Variants in MAGEC2 observed in about 807,000 individuals in gnomAD.
MAGEC2 encodes the protein melanoma-associated antigen C2.
For missense variants in MAGEC2, 332 were observed against 282.3 expected (o/e 1.18, Z -1.26); for synonymous variants, 127 against 115.1 (o/e 1.10, Z -0.66).
chrX:142,203,395 A>T lies in MAGEC2; in HGVS notation c.593T>A (p.Ile198Lys), dbSNP rs767551528. 8.3e-7 allele frequency: 1 copy of T among 1,211,703 alleles called. No homozygotes were observed. The highest frequency in any genetic ancestry group is 2.2e-5 in the Admixed American group (1 of 46,089). Residue 198 changes from isoleucine (I) to lysine (K), a missense_variant, in exon 3 of 3, where the codon ATA (isoleucine) becomes AAA (lysine). Physicochemically the swap from Ile to Lys is moderately radical, Grantham distance 102. Transcript: ENST00000247452. ...ACAGAAGTGGTCAGGGCCCACTTCT[A>T]TCAGGGCAAGGCCAAAAAGAAGCTC... Reference protein sequence around the residue: ...FMELLFGLALIEVGPDHFCVF... With the variant: ...FMELLFGLALKEVGPDHFCVF...
In MAGEC2 at chrX:142,203,633, G is replaced by C. The variant is rs147642392; in HGVS notation, c.355C>G (p.Gln119Glu). Residue 119 changes from glutamine (Q) to glutamate (E), a missense_variant, in exon 3 of 3, where the codon CAG becomes GAG. Transcript: ENST00000247452. ...WSSFSEESSS[Q>E]KGEDTGTCQG... Reference sequence around the variant, plus strand: ...CAGGTGCCTGTATCCTCCCCTTTCTGGCTGCTGGACTCCTCACTGAATGAG... The same window carrying C: ...CAGGTGCCTGTATCCTCCCCTTTCTCGCTGCTGGACTCCTCACTGAATGAG... 123 of 1,207,834 alleles carry C rather than the reference G, an allele frequency of 1.0e-4. No individual in the cohort carries two copies. Among genetic ancestry groups the C allele is most frequent in the Admixed American group, 4.6e-4 (21 of 45,553 alleles).
chrX:142,204,287 T>C, intron 2 of MAGEC2, 75 bp downstream of exon 2: 1 of 443,346 alleles, frequency 2.3e-6, no homozygotes, highest in Admixed American at 4.1e-5. Context: ...AATAGGTGGG[T>C]AGGGCCGGGT....
At position 142,203,680 on chromosome X, in the gene MAGEC2, C is replaced by A. The variant is rs759833282; in HGVS notation, c.308G>T (p.Cys103Phe). Residue 103 changes from cysteine to phenylalanine, a missense_variant, in exon 3 of 3, where the codon TGC (cysteine) becomes TTC (phenylalanine). Coordinates refer to ENST00000247452, the MANE Select transcript of MAGEC2 (RefSeq NM_016249.4). ...TGAGCTCCATGAAAAAGAGGAGCAGCAGGAGCTCAGAGGACTCTGGGAAGG... is the reference window on the plus strand; with the variant it reads ...TGAGCTCCATGAAAAAGAGGAGCAGAAGGAGCTCAGAGGACTCTGGGAAGG... ...QGPSQSPLSS[C>F]CSSFSWSSFS... 4.1e-6 allele frequency: 5 copies of A among 1,210,326 alleles called. No individual in the cohort carries two copies. In the East Asian group the frequency reaches 1.2e-4, roughly 29 times the overall value.
chrX:142,203,229 C>T lies in MAGEC2; in HGVS notation c.759G>A (p.Leu253=). 1 of 1,211,441 alleles carries T rather than the reference C, an allele frequency of 8.3e-7. No individual in the cohort carries two copies. The highest frequency in any genetic ancestry group is 1.1e-6 in the Non-Finnish European group (1 of 895,457). ...CASEEVIWEV[L]NAVGVYAGRE... ...TCCCAGCATATACCCCTACTGCATT[C>T]AGCACTTCCCAGATGACCTCCTCAG... Residue 253 remains leucine (L), a synonymous_variant, in exon 3 of 3, where the codon CTG becomes CTA. Coordinates refer to ENST00000247452, the MANE Select transcript of MAGEC2 (RefSeq NM_016249.4).
Position 142,203,581 on chromosome X carries a change from G to A in MAGEC2, c.407C>T (p.Ser136Phe). Residue 136 changes from serine (S) to phenylalanine (F), a missense_variant, in exon 3 of 3, where the codon TCT (serine) becomes TTT (phenylalanine). Physicochemically the swap from Ser to Phe is radical, Grantham distance 155 (BLOSUM62 -2). Coordinates refer to ENST00000247452, the MANE Select transcript of MAGEC2 (RefSeq NM_016249.4). ...CTTTTCATCTAGTGTATATGTGAAA[G>A]AGGACTCACTGTCTGGCAGGCCCTG... ...TCQGLPDSES[S>F]FTYTLDEKVA... 8.3e-7 allele frequency: 1 copy of A among 1,211,329 alleles called. No homozygotes were observed.
Position 142,204,375 on chromosome X carries a change from A to T in MAGEC2, c.-80T>A, listed in dbSNP as rs915199335. 1 of 312,338 alleles carries T rather than the reference A, an allele frequency of 3.2e-6. No homozygotes were observed. The highest frequency in any genetic ancestry group is 2.7e-5 in the African/African-American group (1 of 37,122). 25.7% of individuals were successfully genotyped at this position (312,338 alleles called of 1,213,427 possible). ...GTGTGCACTCACCTTGACTCCTGGC[A>T]CTGCCTGGGCCTCCTCTGCTGTGCT... On this transcript the variant is annotated 5_prime_UTR_variant, in exon 2 of 3. Transcript: ENST00000247452.
intron 2 of MAGEC2, 124 bp from the exon 3 acceptor site, chrX:142,204,177 T>C: frequency 2.1e-6 from 2 of 946,278 alleles, no homozygotes; most frequent in Non-Finnish European, 3.0e-6. Flanking sequence ...ACAGGTCTCC[T>C]GTCTTCCTAG....
chrX:142,204,642 G>A (rs1016048739), intron 1 of MAGEC2, among the ~76,000 whole-genome samples, 187 bp from the exon 2 acceptor site: 18 of 111,815 alleles, frequency 1.6e-4, no homozygotes, highest in Non-Finnish European at 2.8e-4. Flanking sequence ...CCACTCTGCT[G>A]GCCTAAGGCA....
Position 142,202,603 on chromosome X carries a change from CA to C in MAGEC2, c.*262del. 6.8e-6 allele frequency: 2 copies of C among 292,539 alleles called. No homozygotes were observed. The allele number at this position is 292,539 out of a possible 1,213,427, so 24.1% of individuals were successfully genotyped here. A position where few individuals can be genotyped will look rare whatever the true frequency, so the allele number is the denominator to read the frequency against. On this transcript the variant is annotated 3_prime_UTR_variant, in exon 3 of 3. Transcript: ENST00000247452. Reference sequence around the variant, plus strand: ...GGAGAAGGTATTTCCATTTTTTTAACAAAATATCAAACTGTTACTCTTAAAC... The same window carrying C: ...GGAGAAGGTATTTCCATTTTTTTAACAAATATCAAACTGTTACTCTTAAAC...
Position 142,203,221 on chromosome X carries a change from A to G in MAGEC2, c.767T>C (p.Val256Ala), listed in dbSNP as rs760470461. Residue 256 changes from valine to alanine, a missense_variant, in exon 3 of 3, where the codon GTA (valine) becomes GCA (alanine). Coordinates refer to ENST00000247452, the MANE Select transcript of MAGEC2 (RefSeq NM_016249.4). ...GTGCTCCCTCCCAGCATATACCCCT[A>G]CTGCATTCAGCACTTCCCAGATGAC... ...EEVIWEVLNAVGVYAGREHFV... is the reference protein window; with the variant it reads ...EEVIWEVLNAAGVYAGREHFV... 3.3e-6 allele frequency: 4 copies of G among 1,211,175 alleles called. No individual in the cohort carries two copies. The South Asian group carries it at 5.3e-5, about 16-fold the overall frequency.
Position 142,203,269 on chromosome X carries a change from T to A in MAGEC2, c.719A>T (p.Lys240Met). The change falls in exon 3 of 3, where the codon AAG (lysine) becomes ATG (methionine). Residue 240 changes from lysine to methionine, a missense_variant. Coordinates refer to ENST00000247452, the MANE Select transcript of MAGEC2 (RefSeq NM_016249.4). ...GACCTCCTCAGAGGCACAGTTGCCC[T>A]TTATGAAGATCACACTCAGAATAAT... is the stretch of plus-strand genomic sequence containing the variant. The part of the protein sequence containing the change: ...LIIILSVIFI[K>M]GNCASEEVIW... 8.3e-7 allele frequency: 1 copy of A among 1,211,289 alleles called. No individual in the cohort carries two copies. Among genetic ancestry groups the A allele is most frequent in the Non-Finnish European group, 1.1e-6 (1 of 895,452 alleles).
Position 142,203,687 on chromosome X carries a change from T to C in MAGEC2, c.301A>G (p.Ser101Gly). Residue 101 changes from serine to glycine, a missense_variant, in exon 3 of 3, where the codon AGC (serine) becomes GGC (glycine). Physicochemically the swap from Ser to Gly is moderately conservative, Grantham distance 56 (BLOSUM62 0). Transcript: ENST00000247452. ...CATGAAAAAGAGGAGCAGCAGGAGC[T>C]CAGAGGACTCTGGGAAGGACCCTGT... ...PPQGPSQSPL[S>G]SCCSSFSWSS... 8.3e-7 allele frequency: 1 copy of C among 1,209,462 alleles called. No individual in the cohort carries two copies. The highest frequency in any genetic ancestry group is 1.1e-6 in the Non-Finnish European group (1 of 894,757).
chrX:142,204,700 C>G (rs1359785712), intron 1 of MAGEC2, among the ~76,000 whole-genome samples: 1 of 111,773 alleles, frequency 8.9e-6, no homozygotes, highest in African/African-American at 3.3e-5. Context: ...GGAGGTAGGG[C>G]GGTGGCAGCC....
In MAGEC2 at chrX:142,204,348, G is replaced by A; in HGVS notation, c.-67+14C>T. On this transcript the variant is annotated intron_variant, in intron 2 of 2. Coordinates refer to ENST00000247452, the MANE Select transcript of MAGEC2 (RefSeq NM_016249.4). ...GGGTAGGGCCCTTGGTACACAGCCA[G>A]GGTGTGCACTCACCTTGACTCCTGG... 1 of 354,789 alleles carries A rather than the reference G, an allele frequency of 2.8e-6. No individual in the cohort carries two copies. Among genetic ancestry groups the A allele is most frequent in the East Asian group, 4.5e-5 (1 of 22,225 alleles). 29.2% of individuals were successfully genotyped at this position (354,789 alleles called of 1,213,427 possible).
Position 142,204,024 on chromosome X carries a change from C to T in MAGEC2, c.-37G>A, listed in dbSNP as rs1313084071. On this transcript the variant is annotated 5_prime_UTR_variant, in exon 3 of 3. Coordinates refer to ENST00000247452, the MANE Select transcript of MAGEC2 (RefSeq NM_016249.4). ...CAGGAGCAGCAGGTAAACGTATCAA[C>T]AGGGATATGGATGATGAGATCCAAC... 8.4e-7 allele frequency: 1 copy of T among 1,189,440 alleles called. No homozygotes were observed. Among genetic ancestry groups the T allele is most frequent in the Admixed American group, 2.3e-5 (1 of 44,049 alleles).
Position 142,203,103 on chromosome X carries a change from T to C in MAGEC2, c.885A>G (p.Pro295=), listed in dbSNP as rs929304927. 1.1e-5 allele frequency: 13 copies of C among 1,209,457 alleles called. No homozygotes were observed. The highest frequency in any genetic ancestry group is 1.8e-5 in the South Asian group (1 of 56,727). Residue 295 remains proline, a synonymous_variant, in exon 3 of 3, where the codon CCA becomes CCG. Coordinates refer to ENST00000247452, the MANE Select transcript of MAGEC2 (RefSeq NM_016249.4). ...TCGGACCCCACAGGAATTCATAATA[T>C]GGAGGAGAACTGTGGGGCACCTCCC... ...EYREVPHSSP[P]YYEFLWGPRA...
chrX:142,203,123 C>T lies in MAGEC2; in HGVS notation c.865G>A (p.Val289Met), dbSNP rs138439807. 2.5e-6 allele frequency: 3 copies of T among 1,209,427 alleles called. No individual in the cohort carries two copies. The African/African-American group carries it at 5.3e-5, about 21-fold the overall frequency. Residue 289 changes from valine (V) to methionine (M), a missense_variant, in exon 3 of 3, where the codon GTG (valine) becomes ATG (methionine). Val to Met is a conservative substitution (Grantham distance 21). Transcript: ENST00000247452. ...TAATATGGAGGAGAACTGTGGGGCA[C>T]CTCCCGATACTCCAGGTAATGTCCC... Reference protein sequence around the residue: ...VQGHYLEYREVPHSSPPYYEF... With the variant: ...VQGHYLEYREMPHSSPPYYEF...
chrX:142,204,170 G>A lies in MAGEC2; in HGVS notation c.-66-117C>T. 4.1e-6 allele frequency: 4 copies of A among 981,344 alleles called. No individual in the cohort carries two copies. In the South Asian group the frequency reaches 6.2e-5, roughly 15 times the overall value. 80.9% of individuals were successfully genotyped at this position (981,344 alleles called of 1,213,427 possible). ...TAAGGTGGTGCTCTAGGGCCTCACAGGTCTCCTGTCTTCCTAGGGAGTTTG... is the reference window on the plus strand; with the variant it reads ...TAAGGTGGTGCTCTAGGGCCTCACAAGTCTCCTGTCTTCCTAGGGAGTTTG... On this transcript the variant is annotated intron_variant, in intron 2 of 2. Coordinates refer to ENST00000247452, the MANE Select transcript of MAGEC2 (RefSeq NM_016249.4).
chrX:142,204,706 C>T (rs1215438211), intron 1 of MAGEC2, among the ~76,000 whole-genome samples: 1 of 111,789 alleles, frequency 8.9e-6, no homozygotes, highest in Non-Finnish European at 1.9e-5. Flanking sequence ...AGGGCGGTGG[C>T]AGCCACCTCC....
Sources: gnomAD v4.1 joint callset for allele counts (sites outside exome capture counted in the v4.1 genomes callset) on GRCh38, gnomAD v4.1.1 for gene constraint, MANE v1.5 for transcripts, NCBI Gene and HGNC (gene_info 2026-07-23, HGNC 2026-07-21) for gene names.